The following RET variants were observed in gnomAD, a reference collection of about 807,000 sequenced individuals.
RET encodes the protein proto-oncogene tyrosine-protein kinase receptor Ret.
A neutral mutation model predicts 118.3 loss-of-function variants in RET; 19 were observed. That is an observed-to-expected ratio of 0.16 (90% CI 0.11 to 0.24). RET has a LOEUF of 0.24. Among genes scored for constraint, RET ranks in the 10% least tolerant of loss-of-function variants. The pLI, the probability that RET is intolerant of heterozygous loss-of-function variation, is 1.00. For synonymous variants in RET, 597 were observed against 644.1 expected (o/e 0.93, Z 1.11); for missense variants, 1,219 against 1,502.1 (o/e 0.81, Z 3.12).
At chr10:43,121,039 C>T (rs867151092) in intron 15 of RET, among the ~76,000 whole-genome samples, 5 of 152,112 alleles carry the variant, frequency 3.3e-5, no homozygotes, top group Non-Finnish European at 5.9e-5. Flanking sequence ...GTGAGCTGTT[C>T]CGTTTCTTCT....
rs1838009243 is a variant in RET at position 43,114,172 on chromosome 10, C to T, written c.1880-308C>T. ...GGAACAGAGGAAAATTTTGACCTCC[C>T]CTGCCAGCCCTCCAGTGCCAGCTGG... On this transcript the variant is annotated intron_variant, in intron 10 of 19. Coordinates refer to ENST00000355710, the MANE Select transcript of RET (RefSeq NM_020975.6). The surrounding 1 kb of genome is among the most constrained non-coding windows in gnomAD (Gnocchi z 4.6). 6.6e-6 allele frequency among the ~76,000 whole-genome samples: 1 copy of T among 152,206 alleles called. No individual in the cohort carries two copies. The highest frequency in any genetic ancestry group is 2.1e-4 in the South Asian group (1 of 4,832).
rs566638609 is a variant in RET, at chr10:43,078,096, G to T, written c.73+765G>T. 3.9e-5 allele frequency among the ~76,000 whole-genome samples: 6 copies of T among 152,326 alleles called. No individual in the cohort carries two copies. In the South Asian group the frequency reaches 6.2e-4, roughly 16 times the overall value. On this transcript the variant is annotated intron_variant, in intron 1 of 19. Coordinates refer to ENST00000355710, the MANE Select transcript of RET (RefSeq NM_020975.6). Reference sequence around the variant, plus strand: ...GGTGCTGGGCCTGGTGAAACCTCAGGTGCCTTAGGATCCCAGCATTAGGTG... The same window carrying T: ...GGTGCTGGGCCTGGTGAAACCTCAGTTGCCTTAGGATCCCAGCATTAGGTG...
intron 1 of RET, among the ~76,000 whole-genome samples, chr10:43,094,414 G>A (rs1452623185): frequency 3.3e-5 from 5 of 152,210 alleles, no homozygotes; most frequent in African/African-American, 9.7e-5. Context: ...CATGCCCTAC[G>A]CTGCTTCTAA....
intron 18 of RET, among the ~76,000 whole-genome samples, chr10:43,125,706 C>T (rs1455973271): frequency 6.6e-6 from 1 of 152,226 alleles, no homozygotes; most frequent in African/African-American, 2.4e-5. Flanking sequence ...AAGACCAGCA[C>T]AGCCCTGCCC....
intron 1 of RET, 94 bp from the exon 2 acceptor site, chr10:43,100,365 A>G (rs940496026): frequency 1.4e-6 from 2 of 1,438,142 alleles, no homozygotes; most frequent in Non-Finnish European, 1.9e-6. Flanking sequence ...AACTCCTGCT[A>G]AGATCGGAAT....
intron 1 of RET, among the ~76,000 whole-genome samples, chr10:43,089,745 A>G (rs915590303): frequency 7.9e-5 from 12 of 152,226 alleles, no homozygotes; most frequent in Non-Finnish European, 1.3e-4. Context: ...CAGGCCGGCC[A>G]TCGGGGCCCT....
At chr10:43,121,794 C>T in intron 15 of RET, 152 bp from the exon 16 acceptor site, 1 of 709,576 alleles carries the variant, frequency 1.4e-6, no homozygotes, top group Non-Finnish European at 2.6e-6. Context: ...CCAGCCCCTT[C>T]AAAGATGTGT....
At chr10:43,077,646 A>G (rs1338547203) in intron 1 of RET, among the ~76,000 whole-genome samples, 1 of 152,128 alleles carries the variant, frequency 6.6e-6, no homozygotes, top group Non-Finnish European at 1.5e-5. Flanking sequence ...CCCTGCGCCA[A>G]AGCCGCGTCC....
At chr10:43,085,144 G>A (rs1837263073) in intron 1 of RET, among the ~76,000 whole-genome samples, 1 of 152,164 alleles carries the variant, frequency 6.6e-6, no homozygotes, top group South Asian at 2.1e-4. Flanking sequence ...AGCCTCTGTG[G>A]GCTCCTGCAA....
In RET at chr10:43,111,314, A is replaced by G. The variant is rs376464605; in HGVS notation, c.1371A>G (p.Ser457=). 1 of 1,614,154 alleles carries G rather than the reference A, an allele frequency of 6.2e-7. No homozygotes were observed. The highest frequency in any genetic ancestry group is 8.5e-7 in the Non-Finnish European group (1 of 1,180,040). Residue 457 remains serine (S), a synonymous_variant, in exon 7 of 20, where the codon TCA becomes TCG. Coordinates refer to ENST00000355710, the MANE Select transcript of RET (RefSeq NM_020975.6). Reference sequence around the variant, plus strand: ...GCAGCACGCTAGGGGTGGTCACCTCAGCCGAGGACACCTCGGGGATCCTGT... The same window carrying G: ...GCAGCACGCTAGGGGTGGTCACCTCGGCCGAGGACACCTCGGGGATCCTGT... ...ANCSTLGVVT[S]AEDTSGILFV... is the part of the protein sequence containing the mutation.
chr10:43,113,394 A>G (rs915740407), intron 9 of RET, among the ~76,000 whole-genome samples, 162 bp from the exon 10 acceptor site: 2 of 152,188 alleles, frequency 1.3e-5, no homozygotes, highest in African/African-American at 4.8e-5. Flanking sequence ...ACTGTGACCA[A>G]GCCCTGCCCG....
At chr10:43,117,538 G>A (rs1032240744) in intron 12 of RET, among the ~76,000 whole-genome samples, 4 of 152,216 alleles carry the variant, frequency 2.6e-5, no homozygotes, top group Non-Finnish European at 4.4e-5. Flanking sequence ...GAGGTGGCAC[G>A]GCACAGCTGG....
chr10:43,091,774 C>A (rs558777657), intron 1 of RET, among the ~76,000 whole-genome samples: 14 of 142,936 alleles, frequency 9.8e-5, no homozygotes, highest in African/African-American at 3.1e-4. Flanking sequence ...AAATACAAAT[C>A]AAAATCACCA....
intron 18 of RET, 31 bp downstream of exon 18, chr10:43,125,013 G>A (rs1838300441): frequency 1.2e-6 from 2 of 1,605,826 alleles, no homozygotes; most frequent in Non-Finnish European, 1.7e-6. Flanking sequence ...CCCACAAGCT[G>A]AAAGTGGCTT....
In RET at chr10:43,128,761, G is replaced by C. The variant is rs568766449; in HGVS notation, c.*492G>C. 8.7e-4 allele frequency: 247 copies of C among 284,464 alleles called. 1 individual carries two copies. In the East Asian group the frequency reaches 0.012, roughly 14 times the overall value. 17.6% of individuals were successfully genotyped at this position (284,464 alleles called of 1,614,324 possible). A position where few individuals can be genotyped will look rare whatever the true frequency, so the allele number is the denominator to read the frequency against. The stretch of plus-strand genomic sequence containing the variant: ...GTCCTTATTCAGAATGAGAGACTGC[G>C]GGGGGGGCCTGGGGGTAGTGTCAAT... On this transcript the variant is annotated 3_prime_UTR_variant, in exon 20 of 20. Coordinates refer to ENST00000355710, the MANE Select transcript of RET (RefSeq NM_020975.6).
chr10:43,105,355 G>A (rs1390815610), intron 4 of RET, among the ~76,000 whole-genome samples, 162 bp downstream of exon 4: 1 of 152,088 alleles, frequency 6.6e-6, no homozygotes, highest in Admixed American at 6.5e-5. Context: ...TAGGGGGAGG[G>A]GAAGGGGGAG....
rs1554817540 is a variant in RET, at chr10:43,102,398, C to G, written c.394C>G (p.Leu132Val). The stretch of plus-strand genomic sequence containing the variant: ...CAAGGTCTTCCTGTCACCCACATCC[C>G]TTCGTGAGGGCGAGTGCCAGTGGCC... Reference protein sequence around the residue: ...YLKVFLSPTSLREGECQWPGC... With the variant: ...YLKVFLSPTSVREGECQWPGC... The change falls in exon 3 of 20, where the codon CTT becomes GTT. Residue 132 changes from leucine (L) to valine (V), a missense_variant. This residue lies in a region of RET where 84 missense variants were observed against 163.6 expected (regional missense o/e 0.51). Coordinates refer to ENST00000355710, the MANE Select transcript of RET (RefSeq NM_020975.6). 1 of 1,614,284 alleles carries G rather than the reference C, an allele frequency of 6.2e-7. No individual in the cohort carries two copies. The highest frequency in any genetic ancestry group is 8.5e-7 in the Non-Finnish European group (1 of 1,180,054).
At chr10:43,115,556 C>T (rs1185721716) in intron 11 of RET, among the ~76,000 whole-genome samples, 3 of 152,248 alleles carry the variant, frequency 2.0e-5, no homozygotes, top group Non-Finnish European at 2.9e-5. Context: ...TGCAGCTTAG[C>T]CTCATGGCAG....
intron 16 of RET, among the ~76,000 whole-genome samples, chr10:43,123,363 C>T (rs1838259929): frequency 6.6e-6 from 1 of 152,178 alleles, no homozygotes; most frequent in Admixed American, 6.5e-5. Flanking sequence ...ATTAATGTAT[C>T]ATTAATTCAT....
Sources: allele counts gnomAD v4.1 joint callset (sites outside exome capture counted in the v4.1 genomes callset), GRCh38; gene constraint gnomAD v4.1.1; regional missense constraint gnomAD v4.1.1; non-coding constraint Gnocchi (gnomAD v3.1); transcripts MANE v1.5; gene names NCBI Gene and HGNC (gene_info 2026-07-23, HGNC 2026-07-21).